The following KIF27 variants were observed in gnomAD, a reference collection of about 807,000 sequenced individuals.
The protein encoded by KIF27 is kinesin-like protein KIF27.
Under a neutral mutation model 141.8 loss-of-function variants are expected in KIF27, and 84 were observed. That is an observed-to-expected ratio of 0.59 (90% CI 0.50 to 0.71). The LOEUF (loss-of-function observed/expected upper bound fraction) is 0.71, where lower values mean the gene tolerates loss of function less well. KIF27 is among the 30% of genes least tolerant of loss of function. The pLI is 0.00. For missense variants in KIF27, 1,306 were observed against 1,628.4 expected, an observed-to-expected ratio of 0.80 and a Z score of 3.41; for synonymous variants, 471 against 569.5, an observed-to-expected ratio of 0.83 and a Z score of 2.46.
At chr9:83,872,907 T>A in intron 11 of KIF27, among the ~76,000 whole-genome samples, 1 of 152,198 alleles carries the variant, frequency 6.6e-6, no homozygotes, top group Non-Finnish European at 1.5e-5. Flanking sequence ...CATATACAAT[T>A]GCCCAGCCTT....
intron 15 of KIF27, among the ~76,000 whole-genome samples, chr9:83,850,923 C>T (rs1477114591): frequency 2.1e-5 from 3 of 142,708 alleles, no homozygotes; most frequent in Non-Finnish European, 4.5e-5. Flanking sequence ...CTGCAAGCTC[C>T]GCCTCCCGGG....
chr9:83,911,013 A>C lies in KIF27; in HGVS notation c.299-2361T>G, dbSNP rs557309081. Among the ~76,000 whole-genome samples, 101 of 152,290 alleles carry C rather than the reference A, an allele frequency of 6.6e-4. 1 individual carries two copies. The highest frequency in any genetic ancestry group is 1.1e-3 in the Non-Finnish European group (75 of 68,014). ...CTGATAGGTGACATAACATGCTAAG[A>C]GAGAGAAGCTAGACACAGAAGGAAA... On this transcript the variant is annotated intron_variant, in intron 2 of 17. Coordinates refer to ENST00000297814, the MANE Select transcript of KIF27 (RefSeq NM_017576.4).
At chr9:83,844,184 A>T (rs1287511357) in intron 16 of KIF27, among the ~76,000 whole-genome samples, 1 of 151,926 alleles carries the variant, frequency 6.6e-6, no homozygotes, top group African/African-American at 2.4e-5. Flanking sequence ...CGAACATCAG[A>T]CCCCAAGCTC....
chr9:83,879,176 C>T (rs1951472139), intron 11 of KIF27, among the ~76,000 whole-genome samples: 1 of 131,986 alleles, frequency 7.6e-6, no homozygotes, highest in Non-Finnish European at 1.6e-5. Context: ...GAAACTCCAT[C>T]TCAAAAAAAA....
intron 16 of KIF27, chr9:83,848,564 A>C (rs1258886531): frequency 6.8e-6 from 1 of 146,170 alleles, no homozygotes; most frequent in African/African-American, 2.5e-5. Flanking sequence ...ATATCTATAT[A>C]TAGATCTATA....
intron 9 of KIF27, among the ~76,000 whole-genome samples, chr9:83,885,017 C>A (rs1274106135): frequency 6.6e-6 from 1 of 152,176 alleles, no homozygotes; most frequent in Non-Finnish European, 1.5e-5. Context: ...CGTCCCTGAA[C>A]TAGACTGGCA....
At chr9:83,919,002 G>A (rs1955985111) in intron 1 of KIF27, among the ~76,000 whole-genome samples, 2 of 152,096 alleles carry the variant, frequency 1.3e-5, no homozygotes, top group African/African-American at 4.8e-5. Flanking sequence ...CTTGAACCCA[G>A]GAGGCAGAGG....
chr9:83,918,330 G>C (rs574553237), intron 1 of KIF27, among the ~76,000 whole-genome samples: 1 of 144,478 alleles, frequency 6.9e-6, no homozygotes, highest in African/African-American at 2.6e-5. Flanking sequence ...AAATGGGGGG[G>C]GGGCAGGACA....
rs1247473071 is a variant in KIF27, at chr9:83,870,403, G to A, written c.2757+116C>T. The A allele has an allele frequency of 1.0e-5, 15 of 1,443,420 alleles. No homozygotes were observed. In the South Asian group the frequency reaches 1.7e-4, roughly 17 times the overall value. The allele number at this position is 1,443,420 out of a possible 1,614,324, so 89.4% of individuals were successfully genotyped here. ...GCTGGTCTTGAACTCCTGACCGCAG[G>A]TGATCCACCCACCTCGGCGTCCCAA... On this transcript the variant is annotated intron_variant, in intron 12 of 17. Coordinates refer to ENST00000297814, the MANE Select transcript of KIF27 (RefSeq NM_017576.4).
At chr9:83,877,799 A>G (rs1266006318) in intron 11 of KIF27, among the ~76,000 whole-genome samples, 1 of 152,156 alleles carries the variant, frequency 6.6e-6, no homozygotes, top group African/African-American at 2.4e-5. Flanking sequence ...AACTCATACA[A>G]CTCAACAACA....
chr9:83,902,258 CTT>C (rs1004862940), intron 4 of KIF27, among the ~76,000 whole-genome samples: 1 of 152,086 alleles, frequency 6.6e-6, no homozygotes, highest in African/African-American at 2.4e-5. Context: ...AAAAAGCTAT[CTT>C]TTTAAGTTTT....
intron 17 of KIF27, 87 bp from the exon 18 acceptor site, chr9:83,837,572 A>C: frequency 7.6e-7 from 1 of 1,324,132 alleles, no homozygotes; most frequent in Non-Finnish European, 1.0e-6. Flanking sequence ...TAAATACATT[A>C]TTATCACCCA....
chr9:83,866,937 A>G (rs1402653368), intron 13 of KIF27, among the ~76,000 whole-genome samples: 1 of 151,240 alleles, frequency 6.6e-6, no homozygotes, highest in African/African-American at 2.4e-5. Flanking sequence ...AATCAATTTT[A>G]TATTTTATTC....
chr9:83,854,532 T>A (rs1318439786), intron 14 of KIF27, among the ~76,000 whole-genome samples: 1 of 152,210 alleles, frequency 6.6e-6, no homozygotes, highest in Admixed American at 6.5e-5. Context: ...GATCGATGAA[T>A]CCCTGTAGGA....
chr9:83,837,201 G>C lies in KIF27; in HGVS notation c.4006C>G (p.Arg1336Gly). The change falls in exon 18 of 18, where the codon CGA (arginine) becomes GGA (glycine). Residue 1336 changes from arginine (R) to glycine (G), a missense_variant. Physicochemically the swap from Arg to Gly is moderately radical, Grantham distance 125. Coordinates refer to ENST00000297814, the MANE Select transcript of KIF27 (RefSeq NM_017576.4). ...DDNQFTKSHS[R>G]LSSQIQVVGN... ...ACAACCTGAATTTGGGATGACAGTC[G>C]ACTGTGAGATTTTGTAAACTGATTA... 2.5e-6 allele frequency: 4 copies of C among 1,614,172 alleles called. No individual in the cohort carries two copies. The highest frequency in any genetic ancestry group is 3.4e-6 in the Non-Finnish European group (4 of 1,180,026).
At position 83,837,161 on chromosome 9, in the gene KIF27, C is replaced by T. The variant is rs777475564; in HGVS notation, c.4046G>A (p.Arg1349Gln). The change falls in exon 18 of 18, where the codon CGA (arginine) becomes CAA (glutamine). Residue 1349 changes from arginine (R) to glutamine (Q), a missense_variant. Arg to Gln is a conservative substitution (Grantham distance 43, BLOSUM62 1). Around this residue, in one of 4 missense-constraint regions of KIF27, gnomAD observed 148 missense variants for 250.9 expected, o/e 0.59. Transcript: ENST00000297814. ...TTTTACAGGTGTGACACCATGAAGTCGTCCCACATTTCCCACAACCTGAAT... is the reference window on the plus strand; with the variant it reads ...TTTTACAGGTGTGACACCATGAAGTTGTCCCACATTTCCCACAACCTGAAT... ...SQIQVVGNVGRLHGVTPVKLC... is the reference protein window; with the variant it reads ...SQIQVVGNVGQLHGVTPVKLC... The T allele has an allele frequency of 5.6e-6, 9 of 1,613,980 alleles. No homozygotes were observed. Among genetic ancestry groups the T allele is most frequent in the South Asian group, 2.2e-5 (2 of 91,058 alleles).
intron 3 of KIF27, among the ~76,000 whole-genome samples, chr9:83,904,485 T>C (rs754606930): frequency 1.1e-4 from 16 of 152,104 alleles, no homozygotes; most frequent in South Asian, 6.2e-4. Flanking sequence ...TCTCCTGCCT[T>C]AGCCTCCCGA....
intron 2 of KIF27, among the ~76,000 whole-genome samples, chr9:83,913,924 A>G (rs925932283): frequency 7.9e-5 from 12 of 152,106 alleles, no homozygotes; most frequent in African/African-American, 2.9e-4. Context: ...CCTTCTTATA[A>G]TAAATATTTC....
chr9:83,845,668 C>T (rs1332424256), intron 16 of KIF27, among the ~76,000 whole-genome samples: 1 of 152,204 alleles, frequency 6.6e-6, no homozygotes, highest in African/African-American at 2.4e-5. Flanking sequence ...GAAAATCTTC[C>T]CAGTGGGCAG....
Sources: gnomAD v4.1 joint callset for allele counts (sites outside exome capture counted in the v4.1 genomes callset) on GRCh38, gnomAD v4.1.1 for gene constraint, gnomAD v4.1.1 regional missense constraint, MANE v1.5 for transcripts, NCBI Gene and HGNC (gene_info 2026-07-23, HGNC 2026-07-21) for gene names.